ZSWIM6: variants seen among roughly 807,000 people sequenced by gnomAD.
The protein encoded by ZSWIM6 is zinc finger SWIM-type containing 6.
ZSWIM6 carries 9 observed loss-of-function variants against 113.2 expected under a neutral mutation model. The observed-to-expected ratio is 0.08, with a 90% CI of 0.05 to 0.14. ZSWIM6 has a LOEUF of 0.14. Among genes scored for constraint, ZSWIM6 ranks in the 10% least tolerant of loss-of-function variants. The probability of loss-of-function intolerance (pLI) is 1.00; values close to 1 mark genes in which losing one functional copy is unlikely to be tolerated. For missense variants in ZSWIM6, 1,162 were observed against 1,552.2 expected, an observed-to-expected ratio of 0.75 and a Z score of 4.22; for synonymous variants, 611 against 606.5, an observed-to-expected ratio of 1.01 and a Z score of -0.11.
At chr5:61,537,282 A>T (rs1474640877) in intron 10 of ZSWIM6, among the ~76,000 whole-genome samples, 1 of 151,970 alleles carries the variant, frequency 6.6e-6, no homozygotes, top group Non-Finnish European at 1.5e-5. Flanking sequence ...GTACAGGGGA[A>T]TTTTTTTTCC....
At chr5:61,517,766 TTTAA>T (rs1561274695) in intron 4 of ZSWIM6, among the ~76,000 whole-genome samples, 1 of 150,360 alleles carries the variant, frequency 6.7e-6, no homozygotes, top group Non-Finnish European at 1.5e-5. Context: ...GAGATTTTTT[TTTAA>T]TTATTTAATT....
At chr5:61,515,048 A>G (rs886678473) in intron 4 of ZSWIM6, among the ~76,000 whole-genome samples, 3 of 152,186 alleles carry the variant, frequency 2.0e-5, no homozygotes, top group Non-Finnish European at 4.4e-5. Context: ...ATTTACAACC[A>G]TTTAGATTAT....
intron 10 of ZSWIM6, among the ~76,000 whole-genome samples, 166 bp from the exon 11 acceptor site, chr5:61,538,648 G>A (rs951845484): frequency 1.3e-5 from 2 of 152,180 alleles, no homozygotes; most frequent in Non-Finnish European, 2.9e-5. Flanking sequence ...AAAAAATCTA[G>A]GTATTTTGCA....
Position 61,426,546 on chromosome 5 carries a change from C to T in ZSWIM6, c.677-46135C>T, listed in dbSNP as rs557683529. The stretch of plus-strand genomic sequence containing the variant: ...TCAATAAATTTAACATTGGTAAAAA[C>T]TTTTAACTAATCTGTTCATATTCCA... On this transcript the variant is annotated intron_variant, in intron 1 of 13. Transcript: ENST00000252744. Among the ~76,000 whole-genome samples the T allele has an allele frequency of 1.1e-3, 166 of 152,212 alleles. 1 individual carries two copies. The highest frequency in any genetic ancestry group is 3.8e-3 in the African/African-American group (156 of 41,560).
intron 1 of ZSWIM6, among the ~76,000 whole-genome samples, chr5:61,386,503 G>T (rs1745594896): frequency 6.6e-6 from 1 of 151,984 alleles, no homozygotes; most frequent in Admixed American, 6.6e-5. Context: ...AAACTCCATG[G>T]CTACCCTCTT....
chr5:61,332,570 C>T lies in ZSWIM6; in HGVS notation c.298C>T (p.Arg100Cys), dbSNP rs1330929152. 3.7e-6 allele frequency: 5 copies of T among 1,364,952 alleles called. No homozygotes were observed. Among genetic ancestry groups the T allele is most frequent in the South Asian group, 1.3e-5 (1 of 78,100 alleles). 84.6% of individuals were successfully genotyped at this position (1,364,952 alleles called of 1,614,324 possible). Residue 100 changes from arginine to cysteine, a missense_variant, in exon 1 of 14, where the codon CGC becomes TGC. Arg to Cys is a radical substitution (Grantham distance 180, BLOSUM62 -3). Coordinates refer to ENST00000252744, the MANE Select transcript of ZSWIM6 (RefSeq NM_020928.2). ...CCAGCGCGTGGAGGAGCGCTTTGAG[C>T]GCATCCCGGAGCCGGTGCAGCGCCG... ...PFQRVEERFE[R>C]IPEPVQRRIV...
chr5:61,460,026 A>G (rs1747290782), intron 1 of ZSWIM6, among the ~76,000 whole-genome samples: 1 of 152,232 alleles, frequency 6.6e-6, no homozygotes, highest in Non-Finnish European at 1.5e-5. Flanking sequence ...TGCAAATAAC[A>G]ACAGCATTGG....
At chr5:61,501,632 A>C (rs542440818) in intron 4 of ZSWIM6, among the ~76,000 whole-genome samples, 134 of 152,306 alleles carry the variant, frequency 8.8e-4, no homozygotes, top group African/African-American at 3.1e-3. Flanking sequence ...TGTTTTTATG[A>C]AACCATATGC....
At chr5:61,360,585 T>A (rs1469318180) in intron 1 of ZSWIM6, among the ~76,000 whole-genome samples, 1 of 152,184 alleles carries the variant, frequency 6.6e-6, no homozygotes, top group African/African-American at 2.4e-5. Context: ...ACATGATAAT[T>A]GTTTGATTTG....
chr5:61,431,778 T>C (rs1746588977), intron 1 of ZSWIM6, among the ~76,000 whole-genome samples: 1 of 152,116 alleles, frequency 6.6e-6, no homozygotes, highest in Admixed American at 6.5e-5. Flanking sequence ...AAAAAAACTT[T>C]GACTACTTCA....
intron 1 of ZSWIM6, chr5:61,390,688 C>T (rs1745688449): frequency 2.3e-6 from 2 of 861,218 alleles, no homozygotes; most frequent in Non-Finnish European, 3.9e-6. Context: ...TCTTCCTTTG[C>T]AATTCGGTCT....
chr5:61,493,752 C>G (rs1039531268), intron 3 of ZSWIM6, among the ~76,000 whole-genome samples: 2 of 152,124 alleles, frequency 1.3e-5, no homozygotes, highest in Non-Finnish European at 2.9e-5. Flanking sequence ...GATACCTGTT[C>G]CCAGTGCCAG....
chr5:61,439,247 A>G (rs188316750), intron 1 of ZSWIM6, among the ~76,000 whole-genome samples: 10 of 152,320 alleles, frequency 6.6e-5, no homozygotes, highest in South Asian at 2.1e-4. Flanking sequence ...AGATTTCCCT[A>G]TGTTCATAAT....
intron 1 of ZSWIM6, among the ~76,000 whole-genome samples, chr5:61,442,353 A>G (rs938360985): frequency 1.3e-5 from 2 of 152,112 alleles, no homozygotes; most frequent in Admixed American, 1.3e-4. Flanking sequence ...TTATTGATCA[A>G]TTCATCATTC....
At chr5:61,409,091 T>C (rs1229250306) in intron 1 of ZSWIM6, among the ~76,000 whole-genome samples, 1 of 124,484 alleles carries the variant, frequency 8.0e-6, no homozygotes, top group African/African-American at 3.6e-5. Flanking sequence ...TTTTTTTTTT[T>C]TTTCCCGTTT....
intron 4 of ZSWIM6, among the ~76,000 whole-genome samples, chr5:61,508,315 G>A (rs1333681772): frequency 1.3e-5 from 2 of 152,118 alleles, no homozygotes; most frequent in Non-Finnish European, 1.5e-5. Flanking sequence ...AATCCAAAAT[G>A]TGTTACCCGA....
At chr5:61,368,454 T>C (rs182760765) in intron 1 of ZSWIM6, among the ~76,000 whole-genome samples, 6 of 152,312 alleles carry the variant, frequency 3.9e-5, no homozygotes, top group African/African-American at 1.4e-4. Context: ...TTCTAGATAA[T>C]TGAAATGTCT....
At chr5:61,461,099 T>C (rs1747315011) in intron 1 of ZSWIM6, among the ~76,000 whole-genome samples, 2 of 152,258 alleles carry the variant, frequency 1.3e-5, no homozygotes, top group Admixed American at 1.3e-4. Context: ...TTTTAAAAAA[T>C]TTCCCCCCAA....
chr5:61,337,277 T>C (rs1414525263), intron 1 of ZSWIM6, among the ~76,000 whole-genome samples: 1 of 144,550 alleles, frequency 6.9e-6, no homozygotes, highest in African/African-American at 2.5e-5. Flanking sequence ...AGATTCCGTC[T>C]CCCCCCCCAA....
Sources: gnomAD v4.1 joint callset for allele counts (sites outside exome capture counted in the v4.1 genomes callset) on GRCh38, gnomAD v4.1.1 for gene constraint, MANE v1.5 for transcripts, NCBI Gene and HGNC (gene_info 2026-07-23, HGNC 2026-07-21) for gene names.